ALPK2: variants seen among roughly 807,000 people sequenced by gnomAD.
The protein encoded by ALPK2 is alpha-protein kinase 2.
Under a neutral mutation model 163.1 loss-of-function variants are expected in ALPK2, and 127 were observed. The ratio of observed to expected loss-of-function variants is 0.78; its 90% CI spans 0.67 to 0.90. The LOEUF (loss-of-function observed/expected upper bound fraction) is 0.90. Ranked by LOEUF, ALPK2 falls within the 40% of genes least tolerant of loss-of-function variation. ALPK2 has a pLI of 0.00. For synonymous variants in ALPK2, 953 were observed against 959.1 expected, an observed-to-expected ratio of 0.99 and a Z score of 0.12; for missense variants, 2,360 against 2,589.6, an observed-to-expected ratio of 0.91 and a Z score of 1.92.
chr18:58,580,472 C>T lies in ALPK2; in HGVS notation c.304G>A (p.Val102Ile), dbSNP rs752603625. 1.2e-5 allele frequency: 19 copies of T among 1,613,992 alleles called. No individual in the cohort carries two copies. The highest frequency in any genetic ancestry group is 5.5e-5 in the South Asian group (5 of 91,074). Residue 102 changes from valine (V) to isoleucine (I), a missense_variant, in exon 4 of 13, where the codon GTT becomes ATT. By Grantham distance (29) the Val-to-Ile change is conservative. Coordinates refer to ENST00000361673, the MANE Select transcript of ALPK2 (RefSeq NM_052947.4). Reference sequence around the variant, plus strand: ...TTCTCTGATGAGCACTCAACCTCAACGGAAGCAGAACAACAGATCATTCCA... The same window carrying T: ...TTCTCTGATGAGCACTCAACCTCAATGGAAGCAGAACAACAGATCATTCCA... Reference protein sequence around the residue: ...SFGMICCSASVEVECSSENPQ... With the variant: ...SFGMICCSASIEVECSSENPQ...
intron 4 of ALPK2, among the ~76,000 whole-genome samples, chr18:58,568,244 T>C (rs1322630635): frequency 6.6e-6 from 1 of 152,208 alleles, no homozygotes; most frequent in African/African-American, 2.4e-5. Context: ...AGGAACGCCT[T>C]ATGTGTGAAG....
chr18:58,509,573 A>T (rs2051479057), intron 10 of ALPK2, among the ~76,000 whole-genome samples: 1 of 151,848 alleles, frequency 6.6e-6, no homozygotes, highest in African/African-American at 2.4e-5. Context: ...AATGATCGCC[A>T]TTCTAACTGG....
In ALPK2 at chr18:58,628,901, T is replaced by G. The variant is rs978681444; in HGVS notation, c.-158A>C. 1 of 152,212 alleles carries G rather than the reference T, an allele frequency of 6.6e-6. No individual in the cohort carries two copies. The allele number at this position is 152,212 out of a possible 1,614,324, so 9.4% of individuals were successfully genotyped here. On this transcript the variant is annotated 5_prime_UTR_variant, in exon 1 of 13. Coordinates refer to ENST00000361673, the MANE Select transcript of ALPK2 (RefSeq NM_052947.4). Reference sequence around the variant, plus strand: ...AAAGGAGTTTATAGGGCTCAGGGTCTTCCATGATCAGGTCAAAGCATAGAT... The same window carrying G: ...AAAGGAGTTTATAGGGCTCAGGGTCGTCCATGATCAGGTCAAAGCATAGAT...
intron 3 of ALPK2, among the ~76,000 whole-genome samples, chr18:58,584,477 C>T (rs2051975713): frequency 6.6e-6 from 1 of 152,236 alleles, no homozygotes; most frequent in African/African-American, 2.4e-5. Flanking sequence ...GCCTTCTGCC[C>T]TGGCTGCCTG....
intron 2 of ALPK2, among the ~76,000 whole-genome samples, chr18:58,610,844 C>T (rs1165642236): frequency 1.3e-5 from 2 of 152,116 alleles, no homozygotes; most frequent in African/African-American, 4.8e-5. Context: ...CCTGTAATCC[C>T]AGCACTTTGG....
chr18:58,533,786 T>C (rs1285111788), intron 5 of ALPK2, among the ~76,000 whole-genome samples: 1 of 152,144 alleles, frequency 6.6e-6, no homozygotes, highest in East Asian at 1.9e-4. Flanking sequence ...AAAATATAGA[T>C]ACTAATAACC....
At chr18:58,532,826 A>G (rs990375153) in intron 5 of ALPK2, among the ~76,000 whole-genome samples, 1 of 152,168 alleles carries the variant, frequency 6.6e-6, no homozygotes, top group African/African-American at 2.4e-5. Flanking sequence ...AGGCACCCAG[A>G]GGCTAAGGCA....
rs747919847 is a variant in ALPK2, at chr18:58,535,971, T to A, written c.4216A>T (p.Ile1406Phe). The change falls in exon 5 of 13, where the codon ATT becomes TTT. Residue 1406 changes from isoleucine (I) to phenylalanine (F), a missense_variant. Transcript: ENST00000361673. The stretch of plus-strand genomic sequence containing the variant: ...TACTCTATCACACTTATCTCATCAA[T>A]GGGATCTACAGAGGACTCTAGGATT... ...PKILESSVDP[I>F]DEISVIEYTR... 5 of 1,614,106 alleles carry A rather than the reference T, an allele frequency of 3.1e-6. No homozygotes were observed. The East Asian group carries it at 1.1e-4, about 36-fold the overall frequency.
chr18:58,619,587 T>C (rs2052187555), intron 1 of ALPK2, among the ~76,000 whole-genome samples: 1 of 152,250 alleles, frequency 6.6e-6, no homozygotes, highest in Non-Finnish European at 1.5e-5. Flanking sequence ...GAATTAGAGA[T>C]AAATTGTGTT....
At chr18:58,615,075 A>T (rs2052158573) in intron 1 of ALPK2, among the ~76,000 whole-genome samples, 1 of 152,010 alleles carries the variant, frequency 6.6e-6, no homozygotes, top group African/African-American at 2.4e-5. Context: ...TGGCTTCCCA[A>T]AATGCTAGGA....
chr18:58,574,036 G>A (rs2051905698), intron 4 of ALPK2, among the ~76,000 whole-genome samples: 1 of 152,132 alleles, frequency 6.6e-6, no homozygotes, highest in Admixed American at 6.5e-5. Context: ...TGAGTGCTAG[G>A]TGAATATGAT....
At chr18:58,618,604 G>T (rs1421247589) in intron 1 of ALPK2, among the ~76,000 whole-genome samples, 1 of 152,214 alleles carries the variant, frequency 6.6e-6, no homozygotes, top group African/African-American at 2.4e-5. Context: ...TATAAAGTAA[G>T]CACTATGTAA....
rs1406951552 is a variant in ALPK2, at chr18:58,503,926, C to T, written c.6247+5G>A. Reference sequence around the variant, plus strand: ...CTGGAGCCTGGGCTAAGCTGCTTTCCTCACCTTGCATGTCCGTCACCAGGA... The same window carrying T: ...CTGGAGCCTGGGCTAAGCTGCTTTCTTCACCTTGCATGTCCGTCACCAGGA... On this transcript the variant is annotated splice_donor_5th_base_variant and intron_variant, in intron 11 of 12. Coordinates refer to ENST00000361673, the MANE Select transcript of ALPK2 (RefSeq NM_052947.4). 1 of 1,610,860 alleles carries T rather than the reference C, an allele frequency of 6.2e-7. No individual in the cohort carries two copies. The highest frequency in any genetic ancestry group is 1.7e-5 in the Admixed American group (1 of 59,876).
Position 58,536,736 on chromosome 18 carries a change from G to A in ALPK2, c.3451C>T (p.Pro1151Ser). ...GTAGGCAAACTTTGTTGGAAATCAG[G>A]TGCAGAAAGAGAACCCTGCTGGGAC... ...SLSQQGSLSA[P>S]DFQQSLPTTS... The change falls in exon 5 of 13, where the codon CCT becomes TCT. Residue 1151 changes from proline to serine, a missense_variant. Transcript: ENST00000361673. 4 of 1,614,160 alleles carry A rather than the reference G, an allele frequency of 2.5e-6. No individual in the cohort carries two copies. The highest frequency in any genetic ancestry group is 3.4e-6 in the Non-Finnish European group (4 of 1,180,020).
At chr18:58,509,078 C>T (rs1201514336) in intron 10 of ALPK2, among the ~76,000 whole-genome samples, 4 of 132,164 alleles carry the variant, frequency 3.0e-5, no homozygotes, top group Non-Finnish European at 6.2e-5. Context: ...TGTTCCCCTT[C>T]CTGTGTCCAT....
intron 4 of ALPK2, among the ~76,000 whole-genome samples, chr18:58,573,186 GTATATGTGTATA>G (rs1321262597): frequency 8.2e-5 from 12 of 146,274 alleles, no homozygotes; most frequent in African/African-American, 2.5e-4. Flanking sequence ...CATTATATAT[GTATATGTGTATA>G]TATATGTGTA....
At chr18:58,582,048 C>T (rs768310876) in intron 3 of ALPK2, among the ~76,000 whole-genome samples, 4 of 152,174 alleles carry the variant, frequency 2.6e-5, no homozygotes, top group African/African-American at 4.8e-5. Context: ...TCAATAATGT[C>T]TTGTTGAGTT....
chr18:58,575,811 G>C (rs1334444557), intron 4 of ALPK2, among the ~76,000 whole-genome samples: 2 of 152,166 alleles, frequency 1.3e-5, no homozygotes, highest in Admixed American at 1.3e-4. Flanking sequence ...ATATTAGCCT[G>C]GGTAGGTACT....
At chr18:58,484,724 C>T (rs1568062761) in intron 12 of ALPK2, among the ~76,000 whole-genome samples, 1 of 151,290 alleles carries the variant, frequency 6.6e-6, no homozygotes. Context: ...AGTCTGGCGA[C>T]AGAGCGAGAC....
Sources: allele counts gnomAD v4.1 joint callset (sites outside exome capture counted in the v4.1 genomes callset), GRCh38; gene constraint gnomAD v4.1.1; transcripts MANE v1.5; gene names NCBI Gene and HGNC (gene_info 2026-07-23, HGNC 2026-07-21).